TACC2: variants seen among roughly 807,000 people sequenced by gnomAD.
TACC2 encodes transforming acidic coiled-coil containing protein 2.
Under a neutral mutation model 227.3 loss-of-function variants are expected in TACC2, and 137 were observed. That is an observed-to-expected ratio of 0.60 (90% CI 0.52 to 0.69). The LOEUF (loss-of-function observed/expected upper bound fraction) is 0.69. Among genes scored for constraint, TACC2 ranks in the 30% least tolerant of loss-of-function variants. The pLI, the probability that TACC2 is intolerant of heterozygous loss-of-function variation, is 0.00. For missense variants in TACC2, 3,470 were observed against 3,694.4 expected, an observed-to-expected ratio of 0.94 and a Z score of 1.57; for synonymous variants, 1,523 against 1,487.5, an observed-to-expected ratio of 1.02 and a Z score of -0.55.
chr10:122,094,390 C>T (rs1002748174), intron 5 of TACC2, among the ~76,000 whole-genome samples: 2 of 152,124 alleles, frequency 1.3e-5, no homozygotes, highest in African/African-American at 4.8e-5. Context: ...AACTCTCCAG[C>T]CTCCGTGCCT....
intron 8 of TACC2, among the ~76,000 whole-genome samples, chr10:122,196,033 C>T (rs79914577): frequency 0.015 from 2,302 of 152,264 alleles, 34 homozygotes; most frequent in South Asian, 0.05. Flanking sequence ...TACCTGGGAG[C>T]GGCCACTGCC....
At chr10:122,196,114 T>G (rs1336160324) in intron 8 of TACC2, among the ~76,000 whole-genome samples, 2 of 152,244 alleles carry the variant, frequency 1.3e-5, no homozygotes, top group Non-Finnish European at 2.9e-5. Flanking sequence ...GAACCAAGGA[T>G]GGGGCTGGGT....
In TACC2 at chr10:122,098,606, A is replaced by G. The variant is rs146081953; in HGVS notation, c.5573+10015A>G. On this transcript the variant is annotated intron_variant, in intron 5 of 22. Coordinates refer to ENST00000369005, the MANE Select transcript of TACC2 (RefSeq NM_206862.4). ...TCCACCACAGAGAGTTATGTAAAAAATAACGTGTGAAAAGCTTAGCAAAGT... is the reference window on the plus strand; with the variant it reads ...TCCACCACAGAGAGTTATGTAAAAAGTAACGTGTGAAAAGCTTAGCAAAGT... 2.3e-3 allele frequency among the ~76,000 whole-genome samples: 348 copies of G among 152,356 alleles called. 1 individual carries two copies. Among genetic ancestry groups the G allele is most frequent in the African/African-American group, 8.1e-3 (337 of 41,588 alleles).
intron 5 of TACC2, among the ~76,000 whole-genome samples, chr10:122,093,055 T>C (rs1033236806): frequency 6.6e-6 from 1 of 152,160 alleles, no homozygotes. Flanking sequence ...TTGTCGTTGC[T>C]GAATATGTGT....
intron 3 of TACC2, among the ~76,000 whole-genome samples, chr10:122,069,264 C>T (rs538272757): frequency 1.8e-4 from 27 of 151,032 alleles, no homozygotes; most frequent in African/African-American, 4.1e-4. Flanking sequence ...TTTTTTGAGA[C>T]GGAGTCTCGC....
At chr10:122,094,407 T>C (rs1359857772) in intron 5 of TACC2, among the ~76,000 whole-genome samples, 1 of 152,154 alleles carries the variant, frequency 6.6e-6, no homozygotes, top group African/African-American at 2.4e-5. Flanking sequence ...GCCTCCCAAG[T>C]AGCTGAGACT....
At chr10:122,212,219 C>G (rs2095309615) in intron 9 of TACC2, among the ~76,000 whole-genome samples, 1 of 152,196 alleles carries the variant, frequency 6.6e-6, no homozygotes. Context: ...TGGCCTGGGC[C>G]CCTCCCTGCT....
chr10:122,072,110 C>T (rs2136748450), intron 3 of TACC2, among the ~76,000 whole-genome samples: 1 of 151,074 alleles, frequency 6.6e-6, no homozygotes, highest in Non-Finnish European at 1.5e-5. Context: ...TCCCGAGTAG[C>T]TGGGACTACA....
chr10:122,202,780 G>A (rs1593281450), intron 8 of TACC2, among the ~76,000 whole-genome samples: 2 of 150,246 alleles, frequency 1.3e-5, no homozygotes, highest in South Asian at 2.1e-4. Context: ...AAAGGTCTCC[G>A]GTTTTCCTAG....
intron 7 of TACC2, among the ~76,000 whole-genome samples, chr10:122,184,070 G>T (rs576748854): frequency 6.6e-6 from 1 of 152,314 alleles, no homozygotes; most frequent in South Asian, 2.1e-4. Flanking sequence ...CTGAGGGACG[G>T]TAACATGTCA....
intron 11 of TACC2, among the ~76,000 whole-genome samples, chr10:122,224,411 A>C (rs1391646881): frequency 2.6e-5 from 4 of 152,078 alleles, no homozygotes; most frequent in African/African-American, 9.7e-5. Flanking sequence ...TTATGGGAAC[A>C]CTCAGCGCAG....
At chr10:122,046,460 T>G (rs967208448) in intron 2 of TACC2, among the ~76,000 whole-genome samples, 1 of 150,650 alleles carries the variant, frequency 6.6e-6, no homozygotes, top group East Asian at 1.9e-4. Flanking sequence ...GGTGACAGAG[T>G]GAGACTCTGT....
Position 122,195,161 on chromosome 10 carries a change from C to T in TACC2, c.5956C>T (p.Pro1986Ser). ...AGAACCCGAGGTCAGCACACAGCCA[C>T]CCCCGGAAGAACCAGGTAACCAAGG... ...IPEPEVSTQP[P>S]PEEPGCGSET... Residue 1986 changes from proline (P) to serine (S), a missense_variant, in exon 8 of 23, where the codon CCC becomes TCC. This residue lies in a region of TACC2 where 593 missense variants were observed against 636.6 expected (regional missense o/e 0.93). Coordinates refer to ENST00000369005, the MANE Select transcript of TACC2 (RefSeq NM_206862.4). 2 of 1,610,456 alleles carry T rather than the reference C, an allele frequency of 1.2e-6. No homozygotes were observed. Among genetic ancestry groups the T allele is most frequent in the Non-Finnish European group, 1.7e-6 (2 of 1,177,668 alleles).
At position 122,180,924 on chromosome 10, in the gene TACC2, A is replaced by G. The variant is rs2093952846; in HGVS notation, c.5835-14116A>G. Among the ~76,000 whole-genome samples the G allele has an allele frequency of 6.6e-6, 1 of 151,424 alleles. No homozygotes were observed. Among genetic ancestry groups the G allele is most frequent in the African/African-American group, 2.4e-5 (1 of 41,146 alleles). ...ATGTCCACCTAATTTTTATATTTTT[A>G]GTAGAGACAGGGTTTCACCATGTTG... On this transcript the variant is annotated intron_variant, in intron 7 of 22. Coordinates refer to ENST00000369005, the MANE Select transcript of TACC2 (RefSeq NM_206862.4). This position sits in a 1 kb window ranked among gnomAD's most constrained non-coding sequence, Gnocchi z 4.5.
intron 3 of TACC2, among the ~76,000 whole-genome samples, chr10:122,074,043 G>A (rs1477977937): frequency 6.7e-6 from 1 of 150,250 alleles, no homozygotes; most frequent in Admixed American, 6.6e-5. Flanking sequence ...GCCTCCCAAA[G>A]TGCTGGGATT....
At position 122,085,219 on chromosome 10, in the gene TACC2, A is replaced by G. The variant is rs2079966951; in HGVS notation, c.2719A>G (p.Lys907Glu). 1 of 1,613,974 alleles carries G rather than the reference A, an allele frequency of 6.2e-7. No homozygotes were observed. Among genetic ancestry groups the G allele is most frequent in the Non-Finnish European group, 8.5e-7 (1 of 1,180,036 alleles). ...LGSELQSQLP[K>E]GTLSDTPTSS... Reference sequence around the variant, plus strand: ...ATCAGAACTTCAAAGTCAGCTCCCCAAAGGCACCCTGTCTGATACTCCAAC... The same window carrying G: ...ATCAGAACTTCAAAGTCAGCTCCCCGAAGGCACCCTGTCTGATACTCCAAC... The change falls in exon 4 of 23, where the codon AAA (lysine) becomes GAA (glutamate). Residue 907 changes from lysine to glutamate, a missense_variant. Lys to Glu is a moderately conservative substitution (Grantham distance 56). Coordinates refer to ENST00000369005, the MANE Select transcript of TACC2 (RefSeq NM_206862.4).
rs138599726 is a variant in TACC2, at chr10:121,991,435, A to G, written c.-46+1947A>G. Among the ~76,000 whole-genome samples the G allele has an allele frequency of 1.0e-2, 1,518 of 152,384 alleles. 5 individuals are homozygous for G. Among genetic ancestry groups the G allele is most frequent in the South Asian group, 0.018 (89 of 4,830 alleles). On this transcript the variant is annotated intron_variant, in intron 1 of 22. Transcript: ENST00000369005. ...TTACGTGTATTTCAACTGGGCAAAT[A>G]GGAACTAATATGAAATAAAATAACA... is the stretch of plus-strand genomic sequence containing the variant.
At chr10:122,057,569 G>A (rs912088407) in intron 3 of TACC2, among the ~76,000 whole-genome samples, 2 of 152,270 alleles carry the variant, frequency 1.3e-5, no homozygotes, top group Non-Finnish European at 2.9e-5. Flanking sequence ...TTGGGAGGCC[G>A]AGGCGGGCAG....
intron 5 of TACC2, among the ~76,000 whole-genome samples, chr10:122,091,433 A>T (rs932095050): frequency 6.6e-6 from 1 of 152,150 alleles, no homozygotes. Context: ...TGGCTTTTGA[A>T]TACCTGGGTC....
Sources: allele counts gnomAD v4.1 joint callset (sites outside exome capture counted in the v4.1 genomes callset), GRCh38; gene constraint gnomAD v4.1.1; regional missense constraint gnomAD v4.1.1; non-coding constraint Gnocchi (gnomAD v3.1); transcripts MANE v1.5; gene names NCBI Gene and HGNC (gene_info 2026-07-23, HGNC 2026-07-21).